Variants in AGBL1 observed in about 807,000 individuals in gnomAD.
AGBL1 encodes the protein AGBL carboxypeptidase 1, also known as cytosolic carboxypeptidase 4.
In AGBL1, 130 loss-of-function variants were observed where a neutral mutation model predicts 118.9. The observed-to-expected ratio is 1.09, with a 90% CI of 0.95 to 1.26. The LOEUF (loss-of-function observed/expected upper bound fraction) is 1.26. Ranked by LOEUF, AGBL1 falls within the 50% of genes most tolerant of loss-of-function variation. The pLI is 0.00. For synonymous variants in AGBL1, 555 were observed against 478.9 expected, an observed-to-expected ratio of 1.16 and a Z score of -2.08; for missense variants, 1,584 against 1,298.1, an observed-to-expected ratio of 1.22 and a Z score of -3.38.
chr15:86,676,947 C>T (rs992830166), intron 22 of AGBL1, among the ~76,000 whole-genome samples: 6 of 151,968 alleles, frequency 3.9e-5, no homozygotes, highest in Admixed American at 1.3e-4. Context: ...ACCTGGGAGG[C>T]GGAGGTTGCA....
intron 22 of AGBL1, among the ~76,000 whole-genome samples, chr15:86,881,143 G>C (rs111447966): frequency 3.3e-5 from 5 of 152,332 alleles, no homozygotes; most frequent in African/African-American, 7.2e-5. Flanking sequence ...GCAACATGGG[G>C]AGTCTAGGTT....
chr15:86,770,788 A>G (rs1334090849), intron 22 of AGBL1, among the ~76,000 whole-genome samples: 3 of 152,048 alleles, frequency 2.0e-5, no homozygotes, highest in African/African-American at 7.2e-5. Context: ...AAGACCACAG[A>G]GGAGTAGTAC....
intron 18 of AGBL1, among the ~76,000 whole-genome samples, chr15:86,510,228 C>T (rs1245872923): frequency 6.6e-6 from 1 of 152,076 alleles, no homozygotes; most frequent in Non-Finnish European, 1.5e-5. Flanking sequence ...ACATTGACAT[C>T]CTCTAAAGAA....
chr15:86,837,662 G>A (rs2079187658), intron 22 of AGBL1, among the ~76,000 whole-genome samples: 1 of 152,196 alleles, frequency 6.6e-6, no homozygotes, highest in South Asian at 2.1e-4. Flanking sequence ...GCTGCAAAAT[G>A]TCAGGGGGAG....
At chr15:86,856,659 GCCA>G (rs2079486023) in intron 22 of AGBL1, among the ~76,000 whole-genome samples, 1 of 152,204 alleles carries the variant, frequency 6.6e-6, no homozygotes, top group African/African-American at 2.4e-5. Context: ...GCACAGTATA[GCCA>G]CCATTATTAT....
intron 21 of AGBL1, among the ~76,000 whole-genome samples, chr15:86,603,852 G>C (rs968250304): frequency 6.6e-6 from 1 of 152,214 alleles, no homozygotes. Flanking sequence ...TGTTGTTGTT[G>C]TTTTTGTTTT....
chr15:86,798,098 C>A (rs1233862658), intron 22 of AGBL1, among the ~76,000 whole-genome samples: 2 of 152,190 alleles, frequency 1.3e-5, no homozygotes, highest in Non-Finnish European at 1.5e-5. Context: ...GCTGTCACTG[C>A]AGTCCCTTGG....
chr15:86,464,844 G>C (rs1258039019), intron 18 of AGBL1, among the ~76,000 whole-genome samples: 1 of 151,790 alleles, frequency 6.6e-6, no homozygotes, highest in African/African-American at 2.4e-5. Context: ...CAGTTTGCCA[G>C]TATTTTATTG....
intron 21 of AGBL1, among the ~76,000 whole-genome samples, chr15:86,617,443 A>T (rs530959236): frequency 6.6e-6 from 1 of 151,992 alleles, no homozygotes; most frequent in East Asian, 1.9e-4. Context: ...AAAATATAAA[A>T]CTCTCTAGTA....
At chr15:86,312,261 G>A (rs538541281) in intron 17 of AGBL1, 1 of 152,218 alleles carries the variant, frequency 6.6e-6, no homozygotes, top group East Asian at 1.9e-4. Flanking sequence ...CAATTTGTTG[G>A]TGGTGTTTTC....
At chr15:86,298,999 A>G (rs2079702776) in intron 17 of AGBL1, among the ~76,000 whole-genome samples, 1 of 152,124 alleles carries the variant, frequency 6.6e-6, no homozygotes, top group Non-Finnish European at 1.5e-5. Context: ...TTTATTTTTC[A>G]AAAGCATTTT....
intron 22 of AGBL1, among the ~76,000 whole-genome samples, chr15:86,714,742 T>A (rs1344765696): frequency 6.6e-6 from 1 of 152,064 alleles, no homozygotes; most frequent in Non-Finnish European, 1.5e-5. Context: ...GAAGAAGGCT[T>A]CCTGATGCTT....
At chr15:86,773,408 T>G (rs886809777) in intron 22 of AGBL1, among the ~76,000 whole-genome samples, 2 of 151,884 alleles carry the variant, frequency 1.3e-5, no homozygotes, top group Admixed American at 6.6e-5. Flanking sequence ...AAAGTGGATG[T>G]CAATACATAC....
intron 17 of AGBL1, among the ~76,000 whole-genome samples, chr15:86,311,753 G>A (rs2079924698): frequency 6.6e-6 from 1 of 152,170 alleles, no homozygotes; most frequent in African/African-American, 2.4e-5. Flanking sequence ...AGCTCAAAAA[G>A]ACAAGTTATT....
At chr15:86,691,128 T>A (rs2086160394) in intron 22 of AGBL1, among the ~76,000 whole-genome samples, 1 of 152,158 alleles carries the variant, frequency 6.6e-6, no homozygotes, top group African/African-American at 2.4e-5. Context: ...TTACGTGATA[T>A]GGAAGCAAAA....
chr15:86,439,677 A>T (rs1344253063), intron 18 of AGBL1, among the ~76,000 whole-genome samples: 1 of 152,222 alleles, frequency 6.6e-6, no homozygotes, highest in African/African-American at 2.4e-5. Flanking sequence ...ACACTTTTCA[A>T]ACCATGACCA....
At chr15:86,159,067 G>A in intron 5 of AGBL1, 41 bp downstream of exon 5, 1 of 1,542,516 alleles carries the variant, frequency 6.5e-7, no homozygotes. Flanking sequence ...TTTTGTAACA[G>A]ATGGAGAGAT....
At chr15:86,390,498 G>A (rs1232243928) in intron 17 of AGBL1, among the ~76,000 whole-genome samples, 1 of 151,962 alleles carries the variant, frequency 6.6e-6, no homozygotes, top group Non-Finnish European at 1.5e-5. Flanking sequence ...TCTATCAAGA[G>A]GTAAGAGAAT....
chr15:86,940,647 C>T (rs893025496), intron 23 of AGBL1, among the ~76,000 whole-genome samples: 1 of 152,200 alleles, frequency 6.6e-6, no homozygotes, highest in African/African-American at 2.4e-5. Flanking sequence ...TGAGGCTCCA[C>T]ATCACCAAAC....
Sources: gnomAD v4.1 joint callset for allele counts (sites outside exome capture counted in the v4.1 genomes callset) on GRCh38, gnomAD v4.1.1 for gene constraint, MANE v1.5 for transcripts, NCBI Gene and HGNC (gene_info 2026-07-23, HGNC 2026-07-21) for gene names.